Variants in PDE11A observed in about 807,000 individuals in gnomAD.
PDE11A encodes the protein phosphodiesterase 11A.
PDE11A carries 100 observed loss-of-function variants against 100.5 expected under a neutral mutation model. That is an observed-to-expected ratio of 1.00 (90% CI 0.85 to 1.18). The LOEUF (loss-of-function observed/expected upper bound fraction) is 1.18, where lower values mean the gene tolerates loss of function less well. PDE11A is among the 50% of genes most tolerant of loss of function. The pLI is 0.00. For synonymous variants in PDE11A, 381 were observed against 420.8 expected, an observed-to-expected ratio of 0.91 and a Z score of 1.16; for missense variants, 1,141 against 1,152.6, an observed-to-expected ratio of 0.99 and a Z score of 0.15.
chr2:177,814,441 C>T (rs6714519), intron 9 of PDE11A, among the ~76,000 whole-genome samples: 61,679 of 151,754 alleles, frequency 0.41, 14,374 homozygotes, highest in African/African-American at 0.64. Context: ...GGCCAGGGAG[C>T]GGGGTGGATG....
chr2:177,767,590 T>C (rs1458606297), intron 10 of PDE11A, among the ~76,000 whole-genome samples: 1 of 152,146 alleles, frequency 6.6e-6, no homozygotes, highest in Non-Finnish European at 1.5e-5. Flanking sequence ...TTGGCTAACA[T>C]TAAAAAGCTT....
chr2:177,940,487 G>A (rs550569594), intron 2 of PDE11A, among the ~76,000 whole-genome samples: 2 of 152,198 alleles, frequency 1.3e-5, no homozygotes, highest in African/African-American at 4.8e-5. Flanking sequence ...TAAGAAGGTA[G>A]GATTTCAGCA....
intron 1 of PDE11A, among the ~76,000 whole-genome samples, chr2:178,038,213 A>G (rs1273389927): frequency 6.6e-6 from 1 of 152,130 alleles, no homozygotes; most frequent in Non-Finnish European, 1.5e-5. Context: ...AATGGCCACA[A>G]TCAAGATATG....
intron 10 of PDE11A, among the ~76,000 whole-genome samples, chr2:177,741,333 T>C (rs2081868895): frequency 6.6e-6 from 1 of 152,192 alleles, no homozygotes; most frequent in African/African-American, 2.4e-5. Flanking sequence ...ACACTAGTCA[T>C]TGGATTACAG....
chr2:177,843,539 C>G (rs1165544433), intron 5 of PDE11A, among the ~76,000 whole-genome samples: 3 of 152,208 alleles, frequency 2.0e-5, no homozygotes, highest in Non-Finnish European at 4.4e-5. Flanking sequence ...GACAAAAACA[C>G]TTACTGAGCA....
intron 6 of PDE11A, among the ~76,000 whole-genome samples, chr2:177,823,905 T>C (rs969683291): frequency 3.3e-5 from 5 of 152,168 alleles, no homozygotes; most frequent in Admixed American, 6.5e-5. Flanking sequence ...CAGTAGCTCC[T>C]GTCTAACGTT....
intron 4 of PDE11A, among the ~76,000 whole-genome samples, chr2:177,877,533 G>C (rs1224245285): frequency 1.3e-5 from 2 of 152,050 alleles, no homozygotes; most frequent in African/African-American, 4.8e-5. Context: ...AAGAACAGAT[G>C]GAAAGTCTGT....
In PDE11A at chr2:178,071,565, C is replaced by T; in HGVS notation, c.873G>A (p.Gly291=). ...GAATGTTGACCGTTTCTCCATGCTCCCCGACATAGCCAATGATACCTTTGC... is the reference window on the plus strand; with the variant it reads ...GAATGTTGACCGTTTCTCCATGCTCTCCGACATAGCCAATGATACCTTTGC... ...PWGKGIIGYV[G]EHGETVNIPD... is the part of the protein sequence containing the mutation. Residue 291 remains glycine, a synonymous_variant, in exon 1 of 20, where the codon GGG becomes GGA. Transcript: ENST00000286063. The T allele has an allele frequency of 6.2e-7, 1 of 1,613,116 alleles. No homozygotes were observed. The highest frequency in any genetic ancestry group is 8.5e-7 in the Non-Finnish European group (1 of 1,179,110).
intron 19 of PDE11A, among the ~76,000 whole-genome samples, chr2:177,646,513 T>TA (rs1486651245): frequency 6.6e-6 from 1 of 152,166 alleles, no homozygotes; most frequent in African/African-American, 2.4e-5. Flanking sequence ...AAAACTAAGT[T>TA]AAAGAGCCAA....
intron 6 of PDE11A, among the ~76,000 whole-genome samples, chr2:177,832,733 G>A (rs1027099254): frequency 3.9e-5 from 6 of 152,006 alleles, no homozygotes; most frequent in Admixed American, 2.0e-4. Flanking sequence ...TATGACCTTC[G>A]AGAAACATTC....
At chr2:177,946,628 A>AGGGAGGC (rs1279691020) in intron 2 of PDE11A, among the ~76,000 whole-genome samples, 45 of 102,116 alleles carry the variant, frequency 4.4e-4, no homozygotes, top group East Asian at 1.1e-3. Context: ...CCCGTCCGGG[A>AGGGAGGC]GGGAGGTGGG....
At chr2:177,845,912 C>T (rs1261155960) in intron 5 of PDE11A, among the ~76,000 whole-genome samples, 6 of 151,108 alleles carry the variant, frequency 4.0e-5, no homozygotes, top group East Asian at 4.0e-4. Context: ...CGCAGGCACT[C>T]GGCAGGCTGA....
At chr2:178,094,690 T>G (rs972988176) in intron 2 of PDE11A, among the ~76,000 whole-genome samples, 8 of 152,128 alleles carry the variant, frequency 5.3e-5, no homozygotes, top group Admixed American at 5.2e-4. Flanking sequence ...TTCACACTGA[T>G]GTAAAGAAAT....
intron 2 of PDE11A, among the ~76,000 whole-genome samples, chr2:178,088,717 T>C (rs2087387162): frequency 6.6e-6 from 1 of 152,236 alleles, no homozygotes; most frequent in African/African-American, 2.4e-5. Context: ...AATATATTTT[T>C]GTGGGTATGC....
chr2:177,945,046 C>A lies in PDE11A; in HGVS notation c.1072-39859G>T, dbSNP rs1478345599. 2.9e-3 allele frequency among the ~76,000 whole-genome samples: 438 copies of A among 148,824 alleles called. 8 individuals carry two copies. The highest frequency in any genetic ancestry group is 4.9e-3 in the Non-Finnish European group (328 of 66,350). ...TGTGTTGGCCCGGCCGGTCTCCAGC[C>A]CCTAACCGCGAGTGATCCGCCAGCC... On this transcript the variant is annotated intron_variant, in intron 2 of 19. Transcript: ENST00000286063.
At chr2:177,645,185 T>C (rs911794071) in intron 19 of PDE11A, among the ~76,000 whole-genome samples, 16 of 152,184 alleles carry the variant, frequency 1.1e-4, no homozygotes, top group Non-Finnish European at 2.9e-5. Flanking sequence ...CTTTATCTTT[T>C]TCTTTCTTTT....
At chr2:178,028,775 A>T (rs1291247499) in intron 1 of PDE11A, among the ~76,000 whole-genome samples, 1 of 152,226 alleles carries the variant, frequency 6.6e-6, no homozygotes, top group Non-Finnish European at 1.5e-5. Flanking sequence ...GGCTAGAAAG[A>T]TCTGATATAT....
At chr2:177,706,338 A>G (rs1014925086) in intron 13 of PDE11A, among the ~76,000 whole-genome samples, 1 of 152,228 alleles carries the variant, frequency 6.6e-6, no homozygotes, top group Non-Finnish European at 1.5e-5. Context: ...AATCACTTCA[A>G]AGACTAGAAT....
intron 6 of PDE11A, among the ~76,000 whole-genome samples, chr2:177,839,735 G>A (rs1384758668): frequency 6.6e-6 from 1 of 152,114 alleles, no homozygotes; most frequent in Non-Finnish European, 1.5e-5. Flanking sequence ...GTATATATGA[G>A]TATATATATA....
Sources: allele counts gnomAD v4.1 joint callset (sites outside exome capture counted in the v4.1 genomes callset), GRCh38; gene constraint gnomAD v4.1.1; transcripts MANE v1.5; gene names NCBI Gene and HGNC (gene_info 2026-07-23, HGNC 2026-07-21).